Variants in GRIK1 observed in about 807,000 individuals in gnomAD.
The protein encoded by GRIK1 is glutamate receptor ionotropic, kainate 1.
In GRIK1, 69 loss-of-function variants were observed where a neutral mutation model predicts 105.7. The observed-to-expected ratio is 0.65, with a 90% CI of 0.54 to 0.80. The LOEUF (loss-of-function observed/expected upper bound fraction) is 0.80, where lower values mean the gene tolerates loss of function less well. Among genes scored for constraint, GRIK1 ranks in the 30% least tolerant of loss-of-function variants. GRIK1 has a pLI of 0.00. For missense variants in GRIK1, 1,109 were observed against 1,167.3 expected (o/e 0.95, Z 0.73); for synonymous variants, 438 against 431.3 (o/e 1.02, Z -0.19).
chr21:29,726,939 ATTTT>A (rs1024251315), intron 1 of GRIK1, among the ~76,000 whole-genome samples: 1 of 151,156 alleles, frequency 6.6e-6, no homozygotes, highest in East Asian at 1.9e-4. Flanking sequence ...TATATTTTTT[ATTTT>A]TTCTGAGACA....
chr21:29,569,608 A>G (rs1452181069), intron 14 of GRIK1, among the ~76,000 whole-genome samples: 1 of 152,204 alleles, frequency 6.6e-6, no homozygotes, highest in Non-Finnish European at 1.5e-5. Context: ...GGCTAAAAGC[A>G]TTATCCTCCT....
intron 1 of GRIK1, chr21:29,748,873 A>T (rs1388200917): frequency 1.3e-5 from 2 of 152,190 alleles, no homozygotes; most frequent in Non-Finnish European, 2.9e-5. Flanking sequence ...CAGATAAGAA[A>T]ATTAAAACCA....
intron 14 of GRIK1, among the ~76,000 whole-genome samples, chr21:29,569,011 A>G (rs1000592104): frequency 2.0e-5 from 3 of 152,316 alleles, no homozygotes; most frequent in Admixed American, 6.5e-5. Context: ...CGGCATATGC[A>G]ATGTATGTGC....
At chr21:29,854,663 A>G (rs1487955990) in intron 1 of GRIK1, among the ~76,000 whole-genome samples, 2 of 152,170 alleles carry the variant, frequency 1.3e-5, no homozygotes, top group Non-Finnish European at 2.9e-5. Context: ...AATATCATAT[A>G]TAAAATAGTG....
At chr21:29,632,673 A>G (rs568388825) in intron 7 of GRIK1, among the ~76,000 whole-genome samples, 334 of 800 alleles carry the variant, frequency 0.42, 1 homozygote, top group Middle Eastern at 0.5. Flanking sequence ...CACAGACTGT[A>G]TAAAAGCAAA....
intron 1 of GRIK1, among the ~76,000 whole-genome samples, chr21:29,924,409 T>C (rs1288836725): frequency 2.0e-5 from 3 of 151,624 alleles, no homozygotes; most frequent in Non-Finnish European, 4.4e-5. Context: ...TGAACAGATA[T>C]ATATGCAGTT....
At chr21:29,688,894 T>C (rs1320933664) in intron 3 of GRIK1, among the ~76,000 whole-genome samples, 2 of 151,848 alleles carry the variant, frequency 1.3e-5, no homozygotes, top group South Asian at 4.2e-4. Context: ...ATTGAAGAAA[T>C]GATAGATTCT....
At chr21:29,893,342 T>C (rs2069977837) in intron 1 of GRIK1, among the ~76,000 whole-genome samples, 2 of 152,216 alleles carry the variant, frequency 1.3e-5, no homozygotes, top group South Asian at 4.1e-4. Flanking sequence ...GCAATAGTTA[T>C]TATACTATGA....
At chr21:29,677,381 C>T (rs2063290378) in intron 3 of GRIK1, among the ~76,000 whole-genome samples, 1 of 152,182 alleles carries the variant, frequency 6.6e-6, no homozygotes, top group South Asian at 2.1e-4. Context: ...AAACGCTTTA[C>T]AGAAAGAAGG....
chr21:29,657,354 A>T (rs1196063299), intron 4 of GRIK1: 1 of 152,176 alleles, frequency 6.6e-6, no homozygotes, highest in African/African-American at 2.4e-5. Flanking sequence ...TTAAACAACC[A>T]TTTAACTGAT....
chr21:29,687,515 T>C (rs1337878465), intron 3 of GRIK1, among the ~76,000 whole-genome samples: 2 of 152,232 alleles, frequency 1.3e-5, no homozygotes, highest in African/African-American at 4.8e-5. Flanking sequence ...TTAATGTCTT[T>C]GTGGGCAAAA....
intron 1 of GRIK1, among the ~76,000 whole-genome samples, chr21:29,854,837 G>A (rs1028169613): frequency 1.3e-5 from 2 of 151,964 alleles, no homozygotes; most frequent in Admixed American, 6.6e-5. Flanking sequence ...ACAGTCAAGG[G>A]GTCATCATTT....
At chr21:29,587,727 TAAA>T (rs3216133) in intron 11 of GRIK1, 138 bp from the exon 12 acceptor site, 8 of 591,020 alleles carry the variant, frequency 1.4e-5, no homozygotes, top group African/African-American at 7.6e-5. Flanking sequence ...TTGGTTCTAA[TAAA>T]AAAAAGCCAA....
chr21:29,544,453 G>A (rs978392701), intron 16 of GRIK1, among the ~76,000 whole-genome samples: 7 of 152,264 alleles, frequency 4.6e-5, no homozygotes, highest in African/African-American at 1.7e-4. Flanking sequence ...TTAACATTGA[G>A]GCCCTGTAAT....
intron 1 of GRIK1, among the ~76,000 whole-genome samples, chr21:29,881,094 TC>T (rs1243598687): frequency 6.6e-6 from 1 of 152,132 alleles, no homozygotes; most frequent in African/African-American, 2.4e-5. Context: ...CCAGAATAGA[TC>T]CTGGCACACT....
intron 1 of GRIK1, among the ~76,000 whole-genome samples, chr21:29,698,566 C>T (rs146079935): frequency 3.9e-5 from 6 of 152,212 alleles, no homozygotes; most frequent in African/African-American, 9.6e-5. Flanking sequence ...TTTCATTGCT[C>T]GTGTGTACCT....
Position 29,675,294 on chromosome 21 carries a change from G to GA in GRIK1, c.545-2131dup, listed in dbSNP as rs562255459. On this transcript the variant is annotated intron_variant, in intron 3 of 17. Transcript: ENST00000327783. ...GCTTAGGACTTGTTGATGAGATGGGGAAAAAATAGAGACTCCAGGCTGCCT... is the reference window on the plus strand; with the variant it reads ...GCTTAGGACTTGTTGATGAGATGGGGAAAAAAATAGAGACTCCAGGCTGCCT... Among the ~76,000 whole-genome samples, 7 of 152,078 alleles carry GA rather than the reference G, an allele frequency of 4.6e-5. No homozygotes were observed. In the South Asian group the frequency reaches 8.3e-4, roughly 18 times the overall value.
chr21:29,683,018 G>A (rs1310292328), intron 3 of GRIK1, among the ~76,000 whole-genome samples: 2 of 152,024 alleles, frequency 1.3e-5, no homozygotes, highest in African/African-American at 2.4e-5. Flanking sequence ...AGTGGCCAAC[G>A]AGCATATGAA....
intron 10 of GRIK1, among the ~76,000 whole-genome samples, chr21:29,589,377 C>T (rs1454154115): frequency 6.6e-6 from 1 of 150,950 alleles, no homozygotes; most frequent in Non-Finnish European, 1.5e-5. Flanking sequence ...CATGCCTGGC[C>T]ACCTGCTGTG....
Sources: allele counts gnomAD v4.1 joint callset (sites outside exome capture counted in the v4.1 genomes callset), GRCh38; gene constraint gnomAD v4.1.1; transcripts MANE v1.5; gene names NCBI Gene and HGNC (gene_info 2026-07-23, HGNC 2026-07-21).